The following RANBP2 variants were observed in gnomAD, a reference collection of about 807,000 sequenced individuals.
The protein encoded by RANBP2 is E3 SUMO-protein ligase RanBP2.
A neutral mutation model predicts 303.6 loss-of-function variants in RANBP2; 57 were observed. That is an observed-to-expected ratio of 0.19 (90% CI 0.15 to 0.23). RANBP2 has a LOEUF of 0.23. Ranked by LOEUF, RANBP2 falls within the 10% of genes least tolerant of loss-of-function variation. The pLI, the probability that RANBP2 is intolerant of heterozygous loss-of-function variation, is 1.00. For missense variants in RANBP2, 3,138 were observed against 3,780.8 expected (o/e 0.83, Z 4.46); for synonymous variants, 1,167 against 1,301.5 (o/e 0.90, Z 2.23).
chr2:109,249,374 C>A, the RANBP2 span, among the ~76,000 whole-genome samples: 1 of 152,172 alleles, frequency 6.6e-6, no homozygotes, highest in African/African-American at 2.4e-5. Flanking sequence ...ATTGCCATGA[C>A]TACATGAGGA....
At chr2:108,873,779 T>C in the RANBP2 span, among the ~76,000 whole-genome samples, 1 of 152,204 alleles carries the variant, frequency 6.6e-6, no homozygotes, top group Non-Finnish European at 1.5e-5. Flanking sequence ...CTCATAGTGT[T>C]TTCAGAAAGC....
the RANBP2 span, among the ~76,000 whole-genome samples, chr2:109,074,530 T>G: frequency 1.3e-5 from 2 of 149,750 alleles, no homozygotes; most frequent in African/African-American, 4.9e-5. Flanking sequence ...TGAAGCCCCA[T>G]CTCTACTAAA....
the RANBP2 span, chr2:109,546,230 G>A: frequency 1.3e-6 from 2 of 1,541,466 alleles, no homozygotes; most frequent in Non-Finnish European, 1.7e-6. Flanking sequence ...CTCAAATTTG[G>A]CCTGTAGCTG....
At chr2:109,124,177 ATT>A in the RANBP2 span, among the ~76,000 whole-genome samples, 7 of 140,834 alleles carry the variant, frequency 5.0e-5, no homozygotes, top group Non-Finnish European at 6.3e-5. Flanking sequence ...CATGTATTTA[ATT>A]TTTTTTTTTT....
intron 26 of RANBP2, 81 bp downstream of exon 26, chr2:108,781,510 T>A: frequency 7.5e-7 from 1 of 1,337,554 alleles, no homozygotes; most frequent in Non-Finnish European, 1.1e-6. Context: ...TGTCAGGGTA[T>A]AATTGTTTGC....
chr2:109,545,728 G>A, the RANBP2 span: 1 of 1,438,676 alleles, frequency 7.0e-7, no homozygotes, highest in Non-Finnish European at 9.1e-7. Context: ...CTGTGTACTA[G>A]GGCCACGGCT....
the RANBP2 span, among the ~76,000 whole-genome samples, chr2:108,936,673 G>A: frequency 2.6e-3 from 391 of 152,278 alleles, 3 homozygotes; most frequent in African/African-American, 9.0e-3. Flanking sequence ...AGCCCGCAAG[G>A]TCACCATCAG....
chr2:108,910,576 G>T, the RANBP2 span: 1 of 1,541,590 alleles, frequency 6.5e-7, no homozygotes, highest in Non-Finnish European at 9.0e-7. Flanking sequence ...GTTAGAATTG[G>T]CTCATGGCTC....
At chr2:109,722,202 C>A in the RANBP2 span, among the ~76,000 whole-genome samples, 1 of 152,124 alleles carries the variant, frequency 6.6e-6, no homozygotes, top group African/African-American at 2.4e-5. Context: ...TTGTCGGCAT[C>A]CTGGAGCATA....
the RANBP2 span, among the ~76,000 whole-genome samples, chr2:109,627,067 C>A: frequency 6.6e-6 from 1 of 152,074 alleles, no homozygotes; most frequent in Non-Finnish European, 1.5e-5. Context: ...ACTTGGGAGG[C>A]TGAGCCCAGG....
chr2:109,396,293 G>A, the RANBP2 span, among the ~76,000 whole-genome samples: 2 of 152,354 alleles, frequency 1.3e-5, no homozygotes, highest in African/African-American at 4.8e-5. Context: ...CAAAACAGCT[G>A]AGCCTGGTTG....
At chr2:108,986,849 C>T in the RANBP2 span, among the ~76,000 whole-genome samples, 4 of 152,112 alleles carry the variant, frequency 2.6e-5, no homozygotes, top group African/African-American at 7.2e-5. Flanking sequence ...GAGATGGAGG[C>T]GGCATACTCA....
At chr2:109,556,027 C>CT in the RANBP2 span, among the ~76,000 whole-genome samples, 2 of 152,188 alleles carry the variant, frequency 1.3e-5, no homozygotes, top group African/African-American at 2.4e-5. Flanking sequence ...AAGCCTCATT[C>CT]ATCTCTGTGA....
the RANBP2 span, among the ~76,000 whole-genome samples, chr2:109,260,902 C>T: frequency 6.6e-6 from 1 of 152,184 alleles, no homozygotes; most frequent in Non-Finnish European, 1.5e-5. Context: ...GAACCCCATC[C>T]TGCCTCTGCT....
chr2:109,326,536 A>G, the RANBP2 span, among the ~76,000 whole-genome samples: 1 of 152,088 alleles, frequency 6.6e-6, no homozygotes, highest in Non-Finnish European at 1.5e-5. Context: ...ATTTTTGCCA[A>G]TCTGGTGGGT....
chr2:109,115,531 CAT>C, the RANBP2 span, among the ~76,000 whole-genome samples: 1,067 of 152,292 alleles, frequency 7.0e-3, 19 homozygotes, highest in African/African-American at 0.024. Context: ...TGTCTCTGCA[CAT>C]GAGATAGGTT....
chr2:108,940,725 G>A, the RANBP2 span, among the ~76,000 whole-genome samples: 1 of 152,226 alleles, frequency 6.6e-6, no homozygotes, highest in East Asian at 1.9e-4. Flanking sequence ...GGGTCTGAAC[G>A]GGGCAGGCTT....
chr2:109,033,837 T>C, the RANBP2 span, among the ~76,000 whole-genome samples: 1 of 150,370 alleles, frequency 6.7e-6, no homozygotes, highest in African/African-American at 2.5e-5. Flanking sequence ...GCACCTGTAG[T>C]CCCAGCAATT....
At chr2:109,349,009 G>C in the RANBP2 span, among the ~76,000 whole-genome samples, 1 of 152,064 alleles carries the variant, frequency 6.6e-6, no homozygotes, top group Non-Finnish European at 1.5e-5. Flanking sequence ...GTGTCTCTCT[G>C]TGTCAGTATT....
Sources: allele counts gnomAD v4.1 joint callset (sites outside exome capture counted in the v4.1 genomes callset), GRCh38; gene constraint gnomAD v4.1.1; transcripts MANE v1.5; gene names NCBI Gene and HGNC (gene_info 2026-07-23, HGNC 2026-07-21).